SORCS2: variants seen among roughly 807,000 people sequenced by gnomAD.
SORCS2 encodes the protein sortilin related VPS10 domain containing receptor 2.
Under a neutral mutation model 141.6 loss-of-function variants are expected in SORCS2, and 100 were observed. That is an observed-to-expected ratio of 0.71 (90% confidence interval 0.60 to 0.83). SORCS2 has a LOEUF of 0.83. Ranked by LOEUF, SORCS2 falls within the 40% of genes least tolerant of loss-of-function variation. The probability of loss-of-function intolerance (pLI) is 0.00; values close to 1 mark genes in which losing one functional copy is unlikely to be tolerated. For missense variants in SORCS2, 1,646 were observed against 1,560.2 expected (o/e 1.05, Z -0.93); for synonymous variants, 789 against 676.9 (o/e 1.17, Z -2.57).
chr4:7,214,869 C>A (rs1577283951), intron 1 of SORCS2, among the ~76,000 whole-genome samples: 1 of 152,196 alleles, frequency 6.6e-6, no homozygotes, highest in Non-Finnish European at 1.5e-5. Context: ...TAGGTCTGTT[C>A]TGCTCATGGA....
At chr4:7,507,576 C>G (rs1732347390) in intron 2 of SORCS2, among the ~76,000 whole-genome samples, 1 of 152,176 alleles carries the variant, frequency 6.6e-6, no homozygotes, top group Non-Finnish European at 1.5e-5. Context: ...TTAGAAGCCA[C>G]TAAATATGCT....
At chr4:7,403,997 A>ATATATATATATATTTTTT (rs1265288820) in intron 2 of SORCS2, among the ~76,000 whole-genome samples, 2 of 18,994 alleles carry the variant, frequency 1.1e-4, no homozygotes, top group African/African-American at 1.5e-4. Context: ...ATATATATAT[A>ATATATATATATATTTTTT]TTTTTTTTTT....
At chr4:7,228,633 A>G (rs554841000) in intron 1 of SORCS2, among the ~76,000 whole-genome samples, 17 of 152,136 alleles carry the variant, frequency 1.1e-4, no homozygotes, top group African/African-American at 3.6e-4. Flanking sequence ...GGCCATCTCC[A>G]GGTCCAGCTG....
intron 3 of SORCS2, among the ~76,000 whole-genome samples, chr4:7,601,737 A>G (rs1482757155): frequency 2.0e-5 from 3 of 151,170 alleles, no homozygotes; most frequent in Admixed American, 1.3e-4. Context: ...TGGCAGGGTC[A>G]TAGGACAATA....
intron 6 of SORCS2, among the ~76,000 whole-genome samples, chr4:7,662,503 G>A (rs1395260170): frequency 6.6e-6 from 1 of 152,158 alleles, no homozygotes; most frequent in African/African-American, 2.4e-5. Flanking sequence ...GAGTACCAGT[G>A]GGGGCTACTG....
In SORCS2 at chr4:7,227,102, C is replaced by A. The variant is rs138334669; in HGVS notation, c.480+33976C>A. 6.9e-3 allele frequency among the ~76,000 whole-genome samples: 1,051 copies of A among 152,288 alleles called. 13 individuals are homozygous for A. Among genetic ancestry groups the A allele is most frequent in the African/African-American group, 0.023 (966 of 41,552 alleles). ...GGGTACTCTTACGCACTTGTGGGTA[C>A]TCTTATGCACTTGTGCGTGCTCACA... On this transcript the variant is annotated intron_variant, in intron 1 of 26. Coordinates refer to ENST00000507866, the MANE Select transcript of SORCS2 (RefSeq NM_020777.3).
At chr4:7,486,470 C>A (rs1730993729) in intron 2 of SORCS2, among the ~76,000 whole-genome samples, 1 of 152,190 alleles carries the variant, frequency 6.6e-6, no homozygotes, top group African/African-American at 2.4e-5. Flanking sequence ...GCAAGAAGGT[C>A]CCATTCAGGG....
At chr4:7,404,045 T>G (rs1222328691) in intron 2 of SORCS2, among the ~76,000 whole-genome samples, 2 of 147,800 alleles carry the variant, frequency 1.4e-5, no homozygotes, top group African/African-American at 5.0e-5. Flanking sequence ...ACATGTGGTA[T>G]TTGTTGGCTG....
At position 7,725,179 on chromosome 4, in the gene SORCS2, G is replaced by T. The variant is rs201523641; in HGVS notation, c.2637G>T (p.Glu879Asp). The change falls in exon 20 of 27, where the codon GAG becomes GAT. Residue 879 changes from glutamate (E) to aspartate (D), a missense_variant. Transcript: ENST00000507866. ...VNSPLQALYL[E>D]VVPVIGLNQE... ...CCCCCCTGCAGGCCCTCTACCTGGAGGTGGTTCCTGTCATTGGCCTCAACC... is the reference window on the plus strand; with the variant it reads ...CCCCCCTGCAGGCCCTCTACCTGGATGTGGTTCCTGTCATTGGCCTCAACC... The T allele has an allele frequency of 3.4e-5, 55 of 1,613,476 alleles. No individual in the cohort carries two copies. The African/African-American group carries it at 6.7e-4, about 20-fold the overall frequency.
intron 2 of SORCS2, among the ~76,000 whole-genome samples, chr4:7,462,439 T>A (rs936728898): frequency 2.6e-5 from 4 of 152,180 alleles, no homozygotes; most frequent in Admixed American, 2.0e-4. Context: ...ATGCTTTTTA[T>A]AAGCCTATCA....
rs930470079 is a variant in SORCS2, at chr4:7,566,877, G to A, written c.648+35248G>A. Among the ~76,000 whole-genome samples, 4 of 150,806 alleles carry A rather than the reference G, an allele frequency of 2.7e-5. No individual in the cohort carries two copies. The East Asian group carries it at 7.8e-4, about 29-fold the overall frequency. ...GTGGATGCTGGGAAATGCAGAGGGG[G>A]CACATGGGTATCTGGTGAATGCTTA... On this transcript the variant is annotated intron_variant, in intron 3 of 26. Transcript: ENST00000507866.
chr4:7,430,207 C>A (rs78048025), intron 2 of SORCS2: 21,676 of 151,706 alleles, frequency 0.14, 1,633 homozygotes, highest in Non-Finnish European at 0.16. Context: ...GCTGTCCCCA[C>A]GGACTGCTCT....
chr4:7,299,927 C>T (rs1300644882), intron 1 of SORCS2, among the ~76,000 whole-genome samples: 3 of 152,216 alleles, frequency 2.0e-5, no homozygotes, highest in Non-Finnish European at 4.4e-5. Context: ...GCTCCAACTG[C>T]GGCTGCCTTC....
At chr4:7,634,669 A>G (rs1720127366) in intron 3 of SORCS2, among the ~76,000 whole-genome samples, 1 of 152,168 alleles carries the variant, frequency 6.6e-6, no homozygotes, top group East Asian at 1.9e-4. Context: ...TAACTCCCAC[A>G]CCCCTCAAGC....
intron 1 of SORCS2, among the ~76,000 whole-genome samples, chr4:7,348,956 T>C (rs1044823905): frequency 2.6e-5 from 4 of 152,218 alleles, no homozygotes; most frequent in African/African-American, 9.6e-5. Context: ...TGGAGCATGA[T>C]AGCAGCATTC....
At chr4:7,259,629 G>C (rs554617629) in intron 1 of SORCS2, among the ~76,000 whole-genome samples, 32 of 152,190 alleles carry the variant, frequency 2.1e-4, no homozygotes, top group Non-Finnish European at 4.6e-4. Context: ...TGATGTAGCA[G>C]TACCCGCCTC....
At chr4:7,222,953 T>A (rs1728798212) in intron 1 of SORCS2, among the ~76,000 whole-genome samples, 1 of 152,218 alleles carries the variant, frequency 6.6e-6, no homozygotes, top group Non-Finnish European at 1.5e-5. Context: ...CTTTGCTTTT[T>A]TCAGGCAGGC....
chr4:7,674,498 G>A lies in SORCS2; in HGVS notation c.1162-1552G>A, dbSNP rs113905866. Among the ~76,000 whole-genome samples, 744 of 150,650 alleles carry A rather than the reference G, an allele frequency of 4.9e-3. 8 individuals are homozygous for A. The highest frequency in any genetic ancestry group is 0.016 in the African/African-American group (667 of 41,020). Reference sequence around the variant, plus strand: ...TGAGGCAGGAGAATGGTGTGAACCCGGGGGGGCAGAGCTTGCAGTGAGCTG... The same window carrying A: ...TGAGGCAGGAGAATGGTGTGAACCCAGGGGGGCAGAGCTTGCAGTGAGCTG... On this transcript the variant is annotated intron_variant, in intron 8 of 26. Coordinates refer to ENST00000507866, the MANE Select transcript of SORCS2 (RefSeq NM_020777.3).
intron 3 of SORCS2, among the ~76,000 whole-genome samples, chr4:7,556,131 G>T (rs1385141101): frequency 6.6e-6 from 1 of 152,170 alleles, no homozygotes; most frequent in Admixed American, 6.5e-5. Context: ...TGGATAGGAG[G>T]GGACCCACTG....
Sources: gnomAD v4.1 joint callset for allele counts (sites outside exome capture counted in the v4.1 genomes callset) on GRCh38, gnomAD v4.1.1 for gene constraint, MANE v1.5 for transcripts, NCBI Gene and HGNC (gene_info 2026-07-23, HGNC 2026-07-21) for gene names.